The following HGS variants were observed in gnomAD, a reference collection of about 807,000 sequenced individuals.
HGS encodes the protein hepatocyte growth factor-regulated tyrosine kinase substrate, also known as human growth factor-regulated tyrosine kinase substrate.
Under a neutral mutation model 109.7 loss-of-function variants are expected in HGS, and 63 were observed. That is an observed-to-expected ratio of 0.57 (90% CI 0.47 to 0.71). The LOEUF (loss-of-function observed/expected upper bound fraction) is 0.71. HGS is among the 30% of genes least tolerant of loss of function. The probability of loss-of-function intolerance (pLI) is 0.00; values close to 1 mark genes in which losing one functional copy is unlikely to be tolerated. For missense variants in HGS, 995 were observed against 1,068.3 expected, an observed-to-expected ratio of 0.93 and a Z score of 0.96; for synonymous variants, 546 against 437.3, an observed-to-expected ratio of 1.25 and a Z score of -3.10.
intron 20 of HGS, 108 bp downstream of exon 20, chr17:81,700,922 G>T: frequency 1.3e-6 from 2 of 1,529,452 alleles, no homozygotes; most frequent in African/African-American, 2.7e-5. Flanking sequence ...CACCCCTTCT[G>T]CTCCTCCCCC....
chr17:81,696,517 G>A lies in HGS; in HGVS notation c.1554G>A (p.Arg518=). 1 of 1,527,806 alleles carries A rather than the reference G, an allele frequency of 6.5e-7. No homozygotes were observed. Among genetic ancestry groups the A allele is most frequent in the South Asian group, 1.2e-5 (1 of 80,290 alleles). The allele number at this position is 1,527,806 out of a possible 1,614,324, so 94.6% of individuals were successfully genotyped here. ...TGGCCCAGAAGCTGGAGATAATGCG[G>A]CAGAAGAAGCAGGTGCAGTGGCTGC... ...IQLAQKLEIM[R]QKKQEYLEVQ... The change falls in exon 16 of 22, where the codon CGG becomes CGA. Residue 518 remains arginine, a synonymous_variant. Transcript: ENST00000329138.
Position 81,688,832 on chromosome 17 carries a change from G to A in HGS, c.415+5G>A. On this transcript the variant is annotated splice_donor_5th_base_variant and intron_variant, in intron 5 of 21. Transcript: ENST00000329138. ...ACCAGATCATGAAGGTGGAGGGTGAGTCAGGACTGAGGTTGGGACCAGGTT... is the reference window on the plus strand; with the variant it reads ...ACCAGATCATGAAGGTGGAGGGTGAATCAGGACTGAGGTTGGGACCAGGTT... 2 of 1,614,140 alleles carry A rather than the reference G, an allele frequency of 1.2e-6. No individual in the cohort carries two copies. Among genetic ancestry groups the A allele is most frequent in the Non-Finnish European group, 1.7e-6 (2 of 1,180,006 alleles).
At chr17:81,688,285 C>T (rs543584140) in intron 4 of HGS, among the ~76,000 whole-genome samples, 3 of 151,542 alleles carry the variant, frequency 2.0e-5, no homozygotes, top group South Asian at 2.1e-4. Flanking sequence ...CTGCCCCCCG[C>T]GTCTCCCCGG....
chr17:81,690,155 G>A, intron 5 of HGS, 27 bp from the exon 6 acceptor site: 1 of 1,609,174 alleles, frequency 6.2e-7, no homozygotes, highest in African/African-American at 1.3e-5. Flanking sequence ...GTGGGAGCAG[G>A]CAGTGACTAT....
Position 81,701,669 on chromosome 17 carries a change from C to T in HGS, c.*51C>T, listed in dbSNP as rs990075521. On this transcript the variant is annotated 3_prime_UTR_variant, in exon 22 of 22. Transcript: ENST00000329138. Reference sequence around the variant, plus strand: ...AACACTACATACAGTTCACCTGAAACGCCTCGTCTCTAACTGCCGTCGTCC... The same window carrying T: ...AACACTACATACAGTTCACCTGAAATGCCTCGTCTCTAACTGCCGTCGTCC... 1.6e-5 allele frequency: 24 copies of T among 1,510,928 alleles called. No homozygotes were observed. The highest frequency in any genetic ancestry group is 8.3e-5 in the African/African-American group (6 of 72,588). 93.6% of individuals were successfully genotyped at this position (1,510,928 alleles called of 1,614,324 possible).
intron 11 of HGS, 72 bp downstream of exon 11, chr17:81,694,037 G>A: frequency 1.5e-6 from 2 of 1,349,248 alleles, no homozygotes; most frequent in Non-Finnish European, 2.0e-6. Context: ...GGGTCCCTGA[G>A]CTGATTTAGT....
In HGS at chr17:81,691,197, T is replaced by C. The variant is rs1270186779; in HGVS notation, c.538-250T>C. The C allele has an allele frequency of 1.5e-5, 8 of 519,394 alleles. No individual in the cohort carries two copies. Among genetic ancestry groups the C allele is most frequent in the Non-Finnish European group, 2.4e-5 (7 of 286,328 alleles). The allele number at this position is 519,394 out of a possible 1,614,324, so 32.2% of individuals were successfully genotyped here. On this transcript the variant is annotated intron_variant, in intron 7 of 21. Transcript: ENST00000329138. The surrounding 1 kb of genome is among the most constrained non-coding windows in gnomAD (Gnocchi z 5.3). Reference sequence around the variant, plus strand: ...GCTCTTGTTTTATCAGCAGAATTGATGTGTATTTTTTCCTTGCCCTTACTT... The same window carrying C: ...GCTCTTGTTTTATCAGCAGAATTGACGTGTATTTTTTCCTTGCCCTTACTT...
In HGS at chr17:81,696,396, G is replaced by A. The variant is rs775439664; in HGVS notation, c.1433G>A (p.Arg478His). Residue 478 changes from arginine to histidine, a missense_variant, in exon 16 of 22, where the codon CGC becomes CAC. Transcript: ENST00000329138. ...EGLQDKLAQI[R>H]DARGALSALR... is the part of the protein sequence containing the mutation. ...CTGCAGGACAAGCTGGCACAGATCC[G>A]CGATGCCCGGGGGGCGCTGAGTGCC... is the stretch of plus-strand genomic sequence containing the variant. 5 of 1,587,520 alleles carry A rather than the reference G, an allele frequency of 3.1e-6. No homozygotes were observed. Among genetic ancestry groups the A allele is most frequent in the South Asian group, 1.2e-5 (1 of 86,794 alleles).
chr17:81,690,507 C>T, intron 6 of HGS, 167 bp from the exon 7 acceptor site: 1 of 648,384 alleles, frequency 1.5e-6, no homozygotes, highest in Admixed American at 3.0e-5. Flanking sequence ...CAGGCCTCGG[C>T]AGCTTCACCC....
In HGS at chr17:81,700,893, G is replaced by A. The variant is rs998091533; in HGVS notation, c.2136+79G>A. On this transcript the variant is annotated intron_variant, in intron 20 of 21. Coordinates refer to ENST00000329138, the MANE Select transcript of HGS (RefSeq NM_004712.5). ...TGCTGAGGGTCCTTTGGTGAGGCTG[G>A]CAGGCACTGGGTGGGCTCCACCCCT... The A allele has an allele frequency of 3.2e-6, 5 of 1,567,972 alleles. No individual in the cohort carries two copies. In the African/African-American group the frequency reaches 5.4e-5, roughly 17 times the overall value.
chr17:81,694,973 C>T lies in HGS; in HGVS notation c.1025C>T (p.Ala342Val). 2 of 1,614,148 alleles carry T rather than the reference C, an allele frequency of 1.2e-6. No homozygotes were observed. Among genetic ancestry groups the T allele is most frequent in the Non-Finnish European group, 1.7e-6 (2 of 1,180,034 alleles). The change falls in exon 13 of 22, where the codon GCT (alanine) becomes GTT (valine). Residue 342 changes from alanine to valine, a missense_variant. Ala to Val is a moderately conservative substitution (Grantham distance 64). Around this residue, in one of 6 missense-constraint regions of HGS, gnomAD observed 300 missense variants for 235.4 expected, o/e 1.27. Coordinates refer to ENST00000329138, the MANE Select transcript of HGS (RefSeq NM_004712.5). ...RNYWEKKQEE[A>V]RKSPTPSAPV... ...TACTGGGAGAAGAAGCAGGAGGAGGCTCGCAAGAGCCCCACGCCATCTGCG... is the reference window on the plus strand; with the variant it reads ...TACTGGGAGAAGAAGCAGGAGGAGGTTCGCAAGAGCCCCACGCCATCTGCG...
intron 6 of HGS, chr17:81,690,444 G>A: frequency 3.1e-6 from 2 of 643,430 alleles, no homozygotes; most frequent in South Asian, 1.9e-5. Flanking sequence ...GAGTGGCTAG[G>A]GGGCTCGGGA....
At chr17:81,689,867 C>T (rs2037037619) in intron 5 of HGS, among the ~76,000 whole-genome samples, 1 of 152,142 alleles carries the variant, frequency 6.6e-6, no homozygotes, top group Non-Finnish European at 1.5e-5. Flanking sequence ...CAGTGGGAGC[C>T]CTGGCCAGAG....
At chr17:81,696,182 C>A in intron 15 of HGS, 175 bp from the exon 16 acceptor site, 1 of 936,264 alleles carries the variant, frequency 1.1e-6, no homozygotes, top group East Asian at 2.7e-5. Flanking sequence ...CCTGCCCTGC[C>A]CTGCCCTGCC....
intron 7 of HGS, 33 bp downstream of exon 7, chr17:81,690,775 G>T: frequency 6.3e-7 from 1 of 1,582,326 alleles, no homozygotes; most frequent in South Asian, 1.1e-5. Flanking sequence ...CTACAGCCCC[G>T]GCCAGACACC....
intron 8 of HGS, chr17:81,692,311 C>G (rs1251962629): frequency 1.3e-5 from 2 of 152,246 alleles, no homozygotes; most frequent in African/African-American, 4.8e-5. Flanking sequence ...CTGTCTCGCT[C>G]CGTGGACATT....
chr17:81,697,933 G>A (rs989391222), intron 18 of HGS: 1 of 152,094 alleles, frequency 6.6e-6, no homozygotes, highest in African/African-American at 2.4e-5. Context: ...CGACCTCCTG[G>A]GCTCAAGCAA....
intron 2 of HGS, 129 bp from the exon 3 acceptor site, chr17:81,686,183 G>A: frequency 2.8e-6 from 2 of 718,970 alleles, no homozygotes; most frequent in South Asian, 1.7e-5. Context: ...CTCCTGCCTT[G>A]GCCTCCCAAA....
rs777739980 is a variant in HGS, at chr17:81,696,645, C to A, written c.1605C>A (p.Arg535=). Residue 535 remains arginine, a synonymous_variant, in exon 17 of 22, where the codon CGC becomes CGA. Transcript: ENST00000329138. The part of the protein sequence containing the change: ...LEVQRQLAIQ[R]LQEQEKERQM... ...TGCAGAGGCAGCTGGCCATCCAGCG[C>A]CTGCAGGAGCAGGAGAAGGAGCGGC... 6.2e-6 allele frequency: 10 copies of A among 1,611,704 alleles called. No homozygotes were observed. In the South Asian group the frequency reaches 9.9e-5, roughly 16 times the overall value.
Sources: gnomAD v4.1 joint callset for allele counts (sites outside exome capture counted in the v4.1 genomes callset) on GRCh38, gnomAD v4.1.1 for gene constraint, gnomAD v4.1.1 regional missense constraint, Gnocchi (gnomAD v3.1) non-coding constraint, MANE v1.5 for transcripts, NCBI Gene and HGNC (gene_info 2026-07-23, HGNC 2026-07-21) for gene names.